ZFHX3: variants seen among roughly 807,000 people sequenced by gnomAD.
ZFHX3 encodes zinc finger homeobox 3.
ZFHX3 carries 42 observed loss-of-function variants against 279.1 expected under a neutral mutation model. The observed-to-expected ratio is 0.15, with a 90% CI of 0.12 to 0.19. The LOEUF (loss-of-function observed/expected upper bound fraction) is 0.19. Among genes scored for constraint, ZFHX3 ranks in the 10% least tolerant of loss-of-function variants. The pLI is 1.00. For missense variants in ZFHX3, 4,981 were observed against 4,754.0 expected (o/e 1.05, Z -1.40); for synonymous variants, 2,293 against 1,957.8 (o/e 1.17, Z -4.52).
At chr16:72,890,992 G>C (rs1273015426) in intron 3 of ZFHX3, among the ~76,000 whole-genome samples, 1 of 152,192 alleles carries the variant, frequency 6.6e-6, no homozygotes. Context: ...TGCCTGTATG[G>C]CACCCTAGGT....
intron 3 of ZFHX3, among the ~76,000 whole-genome samples, chr16:73,424,301 G>C (rs148592074): frequency 2.0e-5 from 3 of 152,276 alleles, no homozygotes; most frequent in African/African-American, 7.2e-5. Context: ...TGTGTAACTT[G>C]AGTGAAATCT....
intron 3 of ZFHX3, among the ~76,000 whole-genome samples, chr16:73,356,346 G>A (rs958594184): frequency 4.7e-4 from 71 of 150,694 alleles, no homozygotes; most frequent in African/African-American, 1.6e-3. Flanking sequence ...ACAGCCCCAC[G>A]GGTCACTCTG....
At chr16:73,392,833 GTTTTTTGT>G (rs956715216) in intron 3 of ZFHX3, among the ~76,000 whole-genome samples, 29 of 51,556 alleles carry the variant, frequency 5.6e-4, no homozygotes, top group South Asian at 1.4e-3. Context: ...GTGTATCTTT[GTTTTTTGT>G]TTTTTTGTTT....
At chr16:73,309,436 C>A (rs1488547017) in intron 4 of ZFHX3, among the ~76,000 whole-genome samples, 1 of 152,094 alleles carries the variant, frequency 6.6e-6, no homozygotes, top group African/African-American at 2.4e-5. Context: ...TGTGTTGTAT[C>A]CCATGCTGTA....
chr16:73,325,928 A>ACAAAAACACACACACAC (rs1567451240), intron 3 of ZFHX3, among the ~76,000 whole-genome samples: 216 of 145,568 alleles, frequency 1.5e-3, no homozygotes, highest in East Asian at 0.01. Flanking sequence ...CACACACACA[A>ACAAAAACACACACACAC]ACACACACAC....
chr16:72,838,319 A>C (rs1025912989), intron 4 of ZFHX3, among the ~76,000 whole-genome samples: 14 of 145,298 alleles, frequency 9.6e-5, no homozygotes, highest in Non-Finnish European at 1.5e-4. Context: ...ATTGTGTGGC[A>C]AGAGGCAGCC....
intron 2 of ZFHX3, among the ~76,000 whole-genome samples, chr16:73,550,922 C>T (rs1329118920): frequency 6.6e-6 from 1 of 152,128 alleles, no homozygotes; most frequent in Non-Finnish European, 1.5e-5. Context: ...AATTGCATTT[C>T]CCATTGATGG....
chr16:73,032,964 C>T (rs1218973134), intron 1 of ZFHX3, among the ~76,000 whole-genome samples: 1 of 152,152 alleles, frequency 6.6e-6, no homozygotes, highest in Non-Finnish European at 1.5e-5. Context: ...GCGGCCAGAC[C>T]CCACTGGGTG....
chr16:73,035,025 T>C (rs1964849951), intron 1 of ZFHX3, among the ~76,000 whole-genome samples: 1 of 152,178 alleles, frequency 6.6e-6, no homozygotes, highest in African/African-American at 2.4e-5. Flanking sequence ...GGCAGCAATC[T>C]TTTATTCCAG....
Position 72,796,226 on chromosome 16 carries a change from G to T in ZFHX3, c.6456C>A (p.Ile2152=), listed in dbSNP as rs2035895077. 6.2e-7 allele frequency: 1 copy of T among 1,614,012 alleles called. No homozygotes were observed. The highest frequency in any genetic ancestry group is 8.5e-7 in the Non-Finnish European group (1 of 1,180,034). The change falls in exon 9 of 10, where the codon ATC becomes ATA. Residue 2152 remains isoleucine, a synonymous_variant. Transcript: ENST00000268489. ...QQQNKRPRTR[I]TDDQLRVLRQ... ...GCAAGACTCGGAGCTGATCATCTGTGATCCTGGTGCGAGGCCTCTTGTTCT... is the reference window on the plus strand; with the variant it reads ...GCAAGACTCGGAGCTGATCATCTGTTATCCTGGTGCGAGGCCTCTTGTTCT...
intron 3 of ZFHX3, among the ~76,000 whole-genome samples, chr16:73,357,122 T>C (rs2016355525): frequency 6.6e-6 from 1 of 152,014 alleles, no homozygotes; most frequent in African/African-American, 2.4e-5. Context: ...GTGTTTCACC[T>C]TCCAAATAGA....
intron 4 of ZFHX3, among the ~76,000 whole-genome samples, chr16:72,874,302 G>C (rs577793901): frequency 1.3e-5 from 2 of 148,844 alleles, no homozygotes; most frequent in South Asian, 4.2e-4. Flanking sequence ...CGCCTCCCGG[G>C]TTCACGCCAT....
At chr16:73,325,928 A>ACACAAAAACACACACACAC (rs1567451240) in intron 3 of ZFHX3, among the ~76,000 whole-genome samples, 1 of 145,492 alleles carries the variant, frequency 6.9e-6, no homozygotes, top group East Asian at 2.0e-4. Context: ...CACACACACA[A>ACACAAAAACACACACACAC]ACACACACAC....
intron 1 of ZFHX3, among the ~76,000 whole-genome samples, chr16:73,787,546 G>C (rs533520557): frequency 9.9e-5 from 15 of 152,242 alleles, no homozygotes; most frequent in African/African-American, 3.4e-4. Context: ...AACAATTTGG[G>C]TGAGACCTGG....
chr16:72,994,045 C>A (rs1179133796), intron 1 of ZFHX3, among the ~76,000 whole-genome samples: 1 of 152,152 alleles, frequency 6.6e-6, no homozygotes, highest in Admixed American at 6.5e-5. Flanking sequence ...TAACCTCTCC[C>A]CGCTACAAGC....
intron 4 of ZFHX3, among the ~76,000 whole-genome samples, chr16:72,882,506 T>C (rs1368114205): frequency 6.6e-6 from 1 of 152,084 alleles, no homozygotes; most frequent in Non-Finnish European, 1.5e-5. Flanking sequence ...TGCGGCCAGG[T>C]CTAGATAACT....
intron 5 of ZFHX3, among the ~76,000 whole-genome samples, chr16:72,819,022 C>T (rs539070632): frequency 1.2e-3 from 189 of 152,306 alleles, no homozygotes; most frequent in African/African-American, 4.4e-3. Context: ...CTTTAAAAAT[C>T]CAGCAGCTCT....
chr16:73,793,571 C>T (rs1959898683), intron 1 of ZFHX3, among the ~76,000 whole-genome samples: 1 of 152,200 alleles, frequency 6.6e-6, no homozygotes, highest in Non-Finnish European at 1.5e-5. Context: ...TATCTAGTTC[C>T]TTCATTCTTG....
chr16:73,542,366 A>AT (rs925313147), intron 2 of ZFHX3, among the ~76,000 whole-genome samples: 74 of 150,440 alleles, frequency 4.9e-4, no homozygotes, highest in East Asian at 1.8e-3. Flanking sequence ...AACATGCAGA[A>AT]TTTTTTTTTT....
Sources: allele counts gnomAD v4.1 joint callset (sites outside exome capture counted in the v4.1 genomes callset), GRCh38; gene constraint gnomAD v4.1.1; transcripts MANE v1.5; gene names NCBI Gene and HGNC (gene_info 2026-07-23, HGNC 2026-07-21).